SNTG1: variants seen among roughly 807,000 people sequenced by gnomAD.
SNTG1 encodes gamma-1-syntrophin.
A neutral mutation model predicts 74.7 loss-of-function variants in SNTG1; 39 were observed. The ratio of observed to expected loss-of-function variants is 0.52; its 90% CI spans 0.40 to 0.68. The LOEUF is 0.68. Ranked by LOEUF, SNTG1 falls within the 30% of genes least tolerant of loss-of-function variation. SNTG1 has a pLI of 0.00. For missense variants in SNTG1, 685 were observed against 609.5 expected (o/e 1.12, Z -1.30); for synonymous variants, 254 against 217.1 (o/e 1.17, Z -1.49).
chr8:50,092,865 A>G (rs1487063554), intron 1 of SNTG1, among the ~76,000 whole-genome samples: 1 of 152,156 alleles, frequency 6.6e-6, no homozygotes, highest in East Asian at 1.9e-4. Flanking sequence ...AAGAAAGACA[A>G]CACTCCCAAT....
rs187790552 is a variant in SNTG1, at chr8:50,600,635, G to T, written c.849+9718G>T. On this transcript the variant is annotated intron_variant, in intron 13 of 18. Transcript: ENST00000642720. Reference sequence around the variant, plus strand: ...CTATTGAATTTATGTGGTATCAGTTGTAATTAGAAATTCATCTCTAATTTT... The same window carrying T: ...CTATTGAATTTATGTGGTATCAGTTTTAATTAGAAATTCATCTCTAATTTT... 1.9e-4 allele frequency among the ~76,000 whole-genome samples: 29 copies of T among 152,026 alleles called. 1 individual carries two copies. In the East Asian group the frequency reaches 4.5e-3, roughly 23 times the overall value.
chr8:50,112,634 T>C (rs1482507724), intron 1 of SNTG1, among the ~76,000 whole-genome samples: 1 of 149,298 alleles, frequency 6.7e-6, no homozygotes, highest in African/African-American at 2.5e-5. Flanking sequence ...GAGAGTCTTC[T>C]GCCTCAGGCT....
chr8:50,487,699 G>GA (rs972849773), intron 8 of SNTG1, among the ~76,000 whole-genome samples: 12 of 135,486 alleles, frequency 8.9e-5, no homozygotes, highest in East Asian at 4.6e-4. Flanking sequence ...GGGTCGGAGG[G>GA]GGGGGAGGGA....
intron 1 of SNTG1, among the ~76,000 whole-genome samples, chr8:50,094,740 C>A (rs1298029119): frequency 1.3e-5 from 2 of 152,054 alleles, no homozygotes; most frequent in East Asian, 3.9e-4. Context: ...TAGTGGAAAG[C>A]AGTTTGGAGA....
intron 8 of SNTG1, among the ~76,000 whole-genome samples, chr8:50,473,699 T>G (rs1471208038): frequency 1.3e-5 from 2 of 152,056 alleles, no homozygotes; most frequent in Non-Finnish European, 2.9e-5. Flanking sequence ...ATAAACAAAA[T>G]GTGATATATA....
intron 1 of SNTG1, among the ~76,000 whole-genome samples, chr8:50,010,323 G>A (rs1815656216): frequency 6.6e-6 from 1 of 152,006 alleles, no homozygotes; most frequent in African/African-American, 2.4e-5. Flanking sequence ...TTACAGATTT[G>A]GAAACTGAAG....
intron 1 of SNTG1, among the ~76,000 whole-genome samples, chr8:49,998,587 GAC>G (rs56162374): frequency 0.11 from 14,832 of 136,612 alleles, 972 homozygotes; most frequent in African/African-American, 0.19. Flanking sequence ...TAAAAATTAA[GAC>G]ACACACACAC....
chr8:50,198,152 C>T (rs1404300537), intron 2 of SNTG1, among the ~76,000 whole-genome samples: 1 of 152,110 alleles, frequency 6.6e-6, no homozygotes, highest in Non-Finnish European at 1.5e-5. Context: ...TTTGCCGCCC[C>T]TCAGCAGGTG....
At chr8:50,469,380 G>C (rs2093633838) in intron 8 of SNTG1, among the ~76,000 whole-genome samples, 1 of 152,034 alleles carries the variant, frequency 6.6e-6, no homozygotes, top group Non-Finnish European at 1.5e-5. Flanking sequence ...CCTGCTGCGT[G>C]TCCACCCCCA....
intron 2 of SNTG1, among the ~76,000 whole-genome samples, chr8:50,214,166 C>T (rs980702646): frequency 6.8e-6 from 1 of 147,322 alleles, no homozygotes; most frequent in Non-Finnish European, 1.5e-5. Flanking sequence ...GAACAAAAAA[C>T]CAAACACCGC....
intron 2 of SNTG1, among the ~76,000 whole-genome samples, chr8:50,387,523 A>G (rs1438433391): frequency 2.0e-5 from 3 of 152,120 alleles, no homozygotes; most frequent in African/African-American, 7.2e-5. Flanking sequence ...TTTAAACCCA[A>G]GTCAACTAAA....
chr8:50,162,566 A>G (rs1283050736), intron 1 of SNTG1, among the ~76,000 whole-genome samples: 1 of 150,992 alleles, frequency 6.6e-6, no homozygotes, highest in Non-Finnish European at 1.5e-5. Context: ...TCTCAAAAAA[A>G]AAAAAAAAAA....
At chr8:49,986,540 A>G (rs1813168332) in intron 1 of SNTG1, among the ~76,000 whole-genome samples, 1 of 152,150 alleles carries the variant, frequency 6.6e-6, no homozygotes, top group African/African-American at 2.4e-5. Flanking sequence ...AGATTAAATA[A>G]TAAACATCTG....
At chr8:50,550,371 T>TA (rs1435691407) in intron 11 of SNTG1, among the ~76,000 whole-genome samples, 8 of 152,278 alleles carry the variant, frequency 5.3e-5, no homozygotes, top group Admixed American at 5.2e-4. Flanking sequence ...TCATGTGGGG[T>TA]AAAATCAACA....
At chr8:50,005,743 G>A (rs576433399) in intron 1 of SNTG1, among the ~76,000 whole-genome samples, 1 of 151,938 alleles carries the variant, frequency 6.6e-6, no homozygotes, top group Non-Finnish European at 1.5e-5. Flanking sequence ...AATTAGATTT[G>A]CTGATGTGAA....
Sources: gnomAD v4.1 joint callset for allele counts (sites outside exome capture counted in the v4.1 genomes callset) on GRCh38, gnomAD v4.1.1 for gene constraint, MANE v1.5 for transcripts, NCBI Gene and HGNC (gene_info 2026-07-23, HGNC 2026-07-21) for gene names.